The following TTC7A variants were observed in gnomAD, a reference collection of about 807,000 sequenced individuals.
The protein encoded by TTC7A is tetratricopeptide repeat domain 7A, also known as tetratricopeptide repeat protein 7A.
A neutral mutation model predicts 103.7 loss-of-function variants in TTC7A; 110 were observed. That is an observed-to-expected ratio of 1.06 (90% CI 0.91 to 1.24). The LOEUF is 1.24. Ranked by LOEUF, TTC7A falls within the 50% of genes most tolerant of loss-of-function variation. The pLI is 0.00. For missense variants in TTC7A, 1,340 were observed against 1,116.3 expected, an observed-to-expected ratio of 1.20 and a Z score of -2.86; for synonymous variants, 521 against 467.9, an observed-to-expected ratio of 1.11 and a Z score of -1.47.
intron 5 of TTC7A, among the ~76,000 whole-genome samples, chr2:46,980,039 A>C (rs1316375580): frequency 6.6e-6 from 1 of 152,144 alleles, no homozygotes; most frequent in African/African-American, 2.4e-5. Flanking sequence ...CTTTCTTGTC[A>C]CTGACTGCCT....
intron 8 of TTC7A, among the ~76,000 whole-genome samples, chr2:47,003,805 G>A (rs972772082): frequency 6.6e-6 from 1 of 152,214 alleles, no homozygotes; most frequent in Non-Finnish European, 1.5e-5. Flanking sequence ...TCACACCCGA[G>A]CCACTCTTGC....
chr2:47,013,975 C>T (rs1249193961), intron 11 of TTC7A, among the ~76,000 whole-genome samples: 2 of 152,180 alleles, frequency 1.3e-5, no homozygotes, highest in Non-Finnish European at 2.9e-5. Flanking sequence ...GGAAGCTTCA[C>T]CCCCTGCACC....
At chr2:46,922,653 GA>G (rs1362602023) in intron 2 of TTC7A, among the ~76,000 whole-genome samples, 8 of 151,998 alleles carry the variant, frequency 5.3e-5, no homozygotes, top group African/African-American at 1.9e-4. Context: ...GAAGGTGTGA[GA>G]GGTAGAAACC....
In TTC7A at chr2:46,941,758, C is replaced by T. The variant is rs760845877; in HGVS notation, c.184+33C>T. On this transcript the variant is annotated intron_variant, in intron 1 of 19. Transcript: ENST00000319190. This position sits in a 1 kb window ranked among gnomAD's most constrained non-coding sequence, Gnocchi z 4.2. The stretch of plus-strand genomic sequence containing the variant: ...AGGGAAGAGGCTGGCTCGCCGGCAG[C>T]GAGCGCGCGAAACGCACCGCCTCCT... 1 of 1,546,724 alleles carries T rather than the reference C, an allele frequency of 6.5e-7. No individual in the cohort carries two copies. The highest frequency in any genetic ancestry group is 8.7e-7 in the Non-Finnish European group (1 of 1,145,492).
At chr2:47,068,985 T>C (rs896824614) in intron 19 of TTC7A, among the ~76,000 whole-genome samples, 36 of 151,852 alleles carry the variant, frequency 2.4e-4, no homozygotes, top group African/African-American at 8.0e-4. Context: ...CCTTTGGCTG[T>C]ACCTCCTGCC....
intron 18 of TTC7A, among the ~76,000 whole-genome samples, chr2:47,053,405 G>C (rs1034566502): frequency 1.3e-5 from 2 of 152,224 alleles, no homozygotes; most frequent in African/African-American, 2.4e-5. Context: ...GGCTTCACCA[G>C]CTTTAAGGAA....
chr2:46,981,151 C>G (rs905203572), intron 5 of TTC7A, among the ~76,000 whole-genome samples: 3 of 152,034 alleles, frequency 2.0e-5, no homozygotes, highest in African/African-American at 4.8e-5. Context: ...ATTTGCTGAT[C>G]CCCCCCGCCA....
chr2:46,917,074 C>T, intron 1 of TTC7A: 2 of 661,996 alleles, frequency 3.0e-6, no homozygotes, highest in South Asian at 1.7e-5. Context: ...CCTAACGCCA[C>T]TGCCATTGAC....
In TTC7A at chr2:47,000,506, C is replaced by G. The variant is rs553044089; in HGVS notation, c.1065+5307C>G. On this transcript the variant is annotated intron_variant, in intron 8 of 19. Coordinates refer to ENST00000319190, the MANE Select transcript of TTC7A (RefSeq NM_020458.4). ...CTGCAGGAACCTGACGCAGCAGGAGCTCGGAGGCTGGCGTGGGCCTGGCCT... is the reference window on the plus strand; with the variant it reads ...CTGCAGGAACCTGACGCAGCAGGAGGTCGGAGGCTGGCGTGGGCCTGGCCT... Among the ~76,000 whole-genome samples the G allele has an allele frequency of 2.0e-5, 3 of 152,200 alleles. No homozygotes were observed. The East Asian group carries it at 5.8e-4, about 29-fold the overall frequency.
chr2:46,990,587 A>T (rs1026656975), intron 5 of TTC7A, among the ~76,000 whole-genome samples: 1 of 152,226 alleles, frequency 6.6e-6, no homozygotes, highest in Non-Finnish European at 1.5e-5. Context: ...GGAGAAAGGA[A>T]GAGAATATTT....
intron 19 of TTC7A, among the ~76,000 whole-genome samples, chr2:47,062,999 A>T (rs1310057328): frequency 6.6e-6 from 1 of 152,216 alleles, no homozygotes; most frequent in South Asian, 2.1e-4. Context: ...CATCCCACAC[A>T]TATGCATAAA....
intron 8 of TTC7A, among the ~76,000 whole-genome samples, chr2:47,000,058 T>C (rs2104419446): frequency 6.6e-6 from 1 of 152,370 alleles, no homozygotes; most frequent in South Asian, 2.1e-4. Flanking sequence ...AAAATGGAGC[T>C]AATAAGATCT....
chr2:47,075,357 G>A lies in TTC7A; in HGVS notation c.*1434G>A, dbSNP rs569707748. The A allele has an allele frequency of 6.6e-6, 1 of 152,288 alleles. No individual in the cohort carries two copies. The highest frequency in any genetic ancestry group is 1.9e-4 in the East Asian group (1 of 5,192). 9.4% of individuals were successfully genotyped at this position (152,288 alleles called of 1,614,324 possible). A position where few individuals can be genotyped will look rare whatever the true frequency, so the allele number is the denominator to read the frequency against. On this transcript the variant is annotated 3_prime_UTR_variant, in exon 20 of 20. Coordinates refer to ENST00000319190, the MANE Select transcript of TTC7A (RefSeq NM_020458.4). The stretch of plus-strand genomic sequence containing the variant: ...CTATTTTTTTTCTGGAATTCTGTTA[G>A]AAAAGTAAAGAAAAAGCAAATGCTG...
chr2:46,971,491 G>T lies in TTC7A; in HGVS notation c.518-3482G>T, dbSNP rs184470368. Among the ~76,000 whole-genome samples, 3 of 152,204 alleles carry T rather than the reference G, an allele frequency of 2.0e-5. No homozygotes were observed. In the East Asian group the frequency reaches 5.8e-4, roughly 29 times the overall value. On this transcript the variant is annotated intron_variant, in intron 3 of 19. Coordinates refer to ENST00000319190, the MANE Select transcript of TTC7A (RefSeq NM_020458.4). ...TGAGGCTGGAGAATTGATACCAGGAGGGCCTGGTGTGGAGCTTCCAGAAGT... is the reference window on the plus strand; with the variant it reads ...TGAGGCTGGAGAATTGATACCAGGATGGCCTGGTGTGGAGCTTCCAGAAGT...
At chr2:46,927,293 C>A (rs1289511618) in intron 2 of TTC7A, among the ~76,000 whole-genome samples, 1 of 147,000 alleles carries the variant, frequency 6.8e-6, no homozygotes. Context: ...AAGCTAAGCA[C>A]ATTAAAATAA....
In TTC7A at chr2:47,024,937, A is replaced by G. The variant is rs573761044; in HGVS notation, c.1641+578A>G. On this transcript the variant is annotated intron_variant, in intron 14 of 19. Transcript: ENST00000319190. ...TGGTGTGTCCAGGACTCCCCACCTC[A>G]GGTCCTTCAGAGCCTCCTTTACTTT... Among the ~76,000 whole-genome samples, 3 of 152,220 alleles carry G rather than the reference A, an allele frequency of 2.0e-5. 1 individual carries two copies. In the South Asian group the frequency reaches 6.2e-4, roughly 32 times the overall value.
intron 19 of TTC7A, among the ~76,000 whole-genome samples, chr2:47,063,610 G>T (rs1683960017): frequency 6.6e-6 from 1 of 152,262 alleles, no homozygotes; most frequent in African/African-American, 2.4e-5. Context: ...ATTACCAAGA[G>T]AGGAATGTGG....
chr2:47,003,755 C>T (rs1034820478), intron 8 of TTC7A, among the ~76,000 whole-genome samples: 3 of 152,242 alleles, frequency 2.0e-5, no homozygotes, highest in African/African-American at 4.8e-5. Context: ...CTGCTCCTTC[C>T]TGTTCTCCCC....
chr2:47,065,556 G>A (rs1684117632), intron 19 of TTC7A, among the ~76,000 whole-genome samples: 1 of 152,184 alleles, frequency 6.6e-6, no homozygotes, highest in African/African-American at 2.4e-5. Flanking sequence ...CTGGTTGAGA[G>A]GGGAGGAGGA....
Sources: gnomAD v4.1 joint callset for allele counts (sites outside exome capture counted in the v4.1 genomes callset) on GRCh38, gnomAD v4.1.1 for gene constraint, Gnocchi (gnomAD v3.1) non-coding constraint, MANE v1.5 for transcripts, NCBI Gene and HGNC (gene_info 2026-07-23, HGNC 2026-07-21) for gene names.